UNC5D: variants seen among roughly 807,000 people sequenced by gnomAD.
UNC5D encodes unc-5 netrin receptor D.
Under a neutral mutation model 105.4 loss-of-function variants are expected in UNC5D, and 39 were observed. That is an observed-to-expected ratio of 0.37 (90% CI 0.29 to 0.48). The LOEUF (loss-of-function observed/expected upper bound fraction) is 0.48. Among genes scored for constraint, UNC5D ranks in the 20% least tolerant of loss-of-function variants. The pLI is 0.98. For synonymous variants in UNC5D, 452 were observed against 450.4 expected, an observed-to-expected ratio of 1.00 and a Z score of -0.04; for missense variants, 991 against 1,202.4, an observed-to-expected ratio of 0.82 and a Z score of 2.60.
rs183434577 is a variant in UNC5D at position 35,449,218 on chromosome 8, A to G, written c.104-100074A>G. On this transcript the variant is annotated intron_variant, in intron 1 of 16. Coordinates refer to ENST00000404895, the MANE Select transcript of UNC5D (RefSeq NM_080872.4). Reference sequence around the variant, plus strand: ...TAGTTTGCAATAGGGTGAAGACTCAAAAAGCTTTCTACTTTCTAGGTTGGT... The same window carrying G: ...TAGTTTGCAATAGGGTGAAGACTCAGAAAGCTTTCTACTTTCTAGGTTGGT... 2.6e-3 allele frequency among the ~76,000 whole-genome samples: 397 copies of G among 152,256 alleles called. 2 individuals are homozygous for G. The highest frequency in any genetic ancestry group is 9.2e-3 in the African/African-American group (382 of 41,554).
chr8:35,555,695 G>A lies in UNC5D; in HGVS notation c.322+6185G>A, dbSNP rs188823660. ...ACAAAAATTAGCTGGCCGTGGTGGC[G>A]CACACCTGTAGTCCCAGCTACTCGG... is the stretch of plus-strand genomic sequence containing the variant. On this transcript the variant is annotated intron_variant, in intron 2 of 16. Transcript: ENST00000404895. 2.3e-3 allele frequency among the ~76,000 whole-genome samples: 348 copies of A among 151,732 alleles called. 1 individual carries two copies. The highest frequency in any genetic ancestry group is 7.7e-3 in the African/African-American group (318 of 41,374).
At chr8:35,552,260 A>C (rs867944000) in intron 2 of UNC5D, among the ~76,000 whole-genome samples, 2 of 152,338 alleles carry the variant, frequency 1.3e-5, no homozygotes, top group African/African-American at 4.8e-5. Context: ...GTTAAGATTT[A>C]AGAGATACAA....
At chr8:35,759,987 G>C (rs988141644) in intron 14 of UNC5D, among the ~76,000 whole-genome samples, 2 of 151,768 alleles carry the variant, frequency 1.3e-5, no homozygotes, top group African/African-American at 4.8e-5. Context: ...GGCAAGATGG[G>C]AAGAAGAAAT....
At chr8:35,386,087 G>A (rs1345258912) in intron 1 of UNC5D, among the ~76,000 whole-genome samples, 19 of 152,044 alleles carry the variant, frequency 1.2e-4, no homozygotes, top group Admixed American at 1.0e-3. Flanking sequence ...CATTTGAAAC[G>A]CCAACATTCA....
chr8:35,697,335 GTTTT>G lies in UNC5D; in HGVS notation c.1085-8584_1085-8581del, dbSNP rs34967495. On this transcript the variant is annotated intron_variant, in intron 7 of 16. Coordinates refer to ENST00000404895, the MANE Select transcript of UNC5D (RefSeq NM_080872.4). The stretch of plus-strand genomic sequence containing the variant: ...TGACATGTCAGTGACTTCAGATTAT[GTTTT>G]TTTTTTTTTGGAGATTATGTATTTT... Among the ~76,000 whole-genome samples the G allele has an allele frequency of 2.2e-5, 3 of 139,334 alleles. No individual in the cohort carries two copies. The South Asian group carries it at 6.9e-4, about 32-fold the overall frequency. The allele number at this position is 139,334 out of a possible 152,430, so 91.4% of individuals were successfully genotyped here.
intron 3 of UNC5D, among the ~76,000 whole-genome samples, chr8:35,592,280 A>G (rs1408773590): frequency 6.6e-6 from 1 of 152,178 alleles, no homozygotes; most frequent in East Asian, 1.9e-4. Context: ...CTAAAATTAG[A>G]AATTATCTAA....
intron 1 of UNC5D, among the ~76,000 whole-genome samples, chr8:35,358,561 G>A (rs1801685982): frequency 1.3e-5 from 2 of 152,084 alleles, no homozygotes; most frequent in East Asian, 1.9e-4. Context: ...CTAGGGTGAT[G>A]GGTTGATAGG....
chr8:35,491,382 C>G (rs1322520398), intron 1 of UNC5D, among the ~76,000 whole-genome samples: 1 of 152,020 alleles, frequency 6.6e-6, no homozygotes, highest in Non-Finnish European at 1.5e-5. Context: ...TGGCTTTAAA[C>G]AATAGGCCAA....
chr8:35,396,856 T>A (rs991295717), intron 1 of UNC5D, among the ~76,000 whole-genome samples: 1 of 151,516 alleles, frequency 6.6e-6, no homozygotes, highest in Non-Finnish European at 1.5e-5. Flanking sequence ...AGTTTTGTTA[T>A]ATGTGTATTA....
At chr8:35,429,343 T>G (rs890388568) in intron 1 of UNC5D, among the ~76,000 whole-genome samples, 3 of 149,582 alleles carry the variant, frequency 2.0e-5, no homozygotes, top group African/African-American at 5.0e-5. Context: ...ATGAAACCTG[T>G]TTTTTTTTCT....
Position 35,314,577 on chromosome 8 carries a change from T to C in UNC5D, c.103+78690T>C, listed in dbSNP as rs575147340. 4.2e-5 allele frequency among the ~76,000 whole-genome samples: 6 copies of C among 143,172 alleles called. No homozygotes were observed. In the East Asian group the frequency reaches 1.3e-3, roughly 31 times the overall value. 93.9% of individuals were successfully genotyped at this position (143,172 alleles called of 152,430 possible). A position where few individuals can be genotyped will look rare whatever the true frequency, so the allele number is the denominator to read the frequency against. On this transcript the variant is annotated intron_variant, in intron 1 of 16. Transcript: ENST00000404895. ...AAATGTAATAGGAATATATGTAAAA[T>C]CATCTAATTTATTTAAAAAATCTTA...
At chr8:35,534,473 C>T (rs921685991) in intron 1 of UNC5D, among the ~76,000 whole-genome samples, 1 of 151,806 alleles carries the variant, frequency 6.6e-6, no homozygotes, top group African/African-American at 2.4e-5. Flanking sequence ...GTTTGAGAAA[C>T]CTTGTGTTGA....
intron 1 of UNC5D, among the ~76,000 whole-genome samples, chr8:35,462,889 G>A (rs1366103906): frequency 6.6e-6 from 1 of 152,170 alleles, no homozygotes; most frequent in Non-Finnish European, 1.5e-5. Context: ...CAGCAACTGA[G>A]TTTCTTGATC....
intron 16 of UNC5D, among the ~76,000 whole-genome samples, chr8:35,777,093 A>C (rs533344592): frequency 4.2e-4 from 64 of 152,326 alleles, no homozygotes; most frequent in African/African-American, 1.4e-3. Flanking sequence ...GTCTCTACTA[A>C]AAATACAAAA....
chr8:35,644,996 G>A (rs1055895192), intron 4 of UNC5D, among the ~76,000 whole-genome samples: 3 of 152,188 alleles, frequency 2.0e-5, no homozygotes, highest in Admixed American at 6.5e-5. Context: ...GTATACCACT[G>A]ATCTGATTTG....
At chr8:35,594,207 T>C (rs1161011206) in intron 3 of UNC5D, among the ~76,000 whole-genome samples, 1 of 152,200 alleles carries the variant, frequency 6.6e-6, no homozygotes, top group Admixed American at 6.5e-5. Flanking sequence ...TCCGAATATG[T>C]AGCACTGCTA....
chr8:35,528,551 G>C (rs896936400), intron 1 of UNC5D, among the ~76,000 whole-genome samples: 1 of 145,846 alleles, frequency 6.9e-6, no homozygotes, highest in Admixed American at 7.0e-5. Flanking sequence ...TAGTCATTTG[G>C]GTATATACCC....
chr8:35,718,930 A>G (rs901589570), intron 8 of UNC5D, among the ~76,000 whole-genome samples: 1 of 152,126 alleles, frequency 6.6e-6, no homozygotes, highest in African/African-American at 2.4e-5. Context: ...ATGAATGACA[A>G]TGCAATAAAG....
intron 10 of UNC5D, among the ~76,000 whole-genome samples, chr8:35,728,071 T>TTA (rs1554596568): frequency 8.3e-4 from 34 of 41,050 alleles, no homozygotes; most frequent in Non-Finnish European, 1.4e-3. Context: ...TTGCTGTCTC[T>TTA]AAAAAAAAAA....
Sources: allele counts gnomAD v4.1 joint callset (sites outside exome capture counted in the v4.1 genomes callset), GRCh38; gene constraint gnomAD v4.1.1; transcripts MANE v1.5; gene names NCBI Gene and HGNC (gene_info 2026-07-23, HGNC 2026-07-21).